PPP1R21: variants seen among roughly 807,000 people sequenced by gnomAD.
The protein encoded by PPP1R21 is KLRAQ motif containing 1.
Under a neutral mutation model 112.8 loss-of-function variants are expected in PPP1R21, and 85 were observed. The ratio of observed to expected loss-of-function variants is 0.75; its 90% CI spans 0.63 to 0.90. The LOEUF (loss-of-function observed/expected upper bound fraction) is 0.90, where lower values mean the gene tolerates loss of function less well. Among genes scored for constraint, PPP1R21 ranks in the 40% least tolerant of loss-of-function variants. The pLI, the probability that PPP1R21 is intolerant of heterozygous loss-of-function variation, is 0.00. For synonymous variants in PPP1R21, 381 were observed against 322.3 expected (o/e 1.18, Z -1.95); for missense variants, 1,199 against 901.5 (o/e 1.33, Z -4.23).
chr2:48,471,098 C>T lies in PPP1R21; in HGVS notation c.909C>T (p.Tyr303=). The T allele has an allele frequency of 6.2e-7, 1 of 1,608,066 alleles. No homozygotes were observed. The highest frequency in any genetic ancestry group is 2.2e-5 in the East Asian group (1 of 44,764). The part of the protein sequence containing the change: ...ISPLNQKFSQ[Y]LHENASYVRP... ...TCCCTCCTGTTTAGTTCTCACAATA[C>T]CTTCATGAAAATGCGTCCTATGTCC... The change falls in exon 10 of 22, where the codon TAC becomes TAT. Residue 303 remains tyrosine, a synonymous_variant. Coordinates refer to ENST00000294952, the MANE Select transcript of PPP1R21 (RefSeq NM_001135629.3).
At chr2:48,497,301 A>T (rs1162969787) in intron 16 of PPP1R21, among the ~76,000 whole-genome samples, 1 of 152,184 alleles carries the variant, frequency 6.6e-6, no homozygotes, top group African/African-American at 2.4e-5. Flanking sequence ...AGTCTTCTGT[A>T]TTGATTGTTA....
chr2:48,453,482 T>C (rs570964834), intron 2 of PPP1R21, among the ~76,000 whole-genome samples: 2 of 152,356 alleles, frequency 1.3e-5, no homozygotes, highest in South Asian at 2.1e-4. Context: ...CATGAGCCAC[T>C]GTGCCAGCCC....
chr2:48,507,382 C>A lies in PPP1R21; in HGVS notation c.2082C>A (p.Ala694=). ...ACAGTAAGTCAGTGCATTTTTATGC[C>A]GAGGTGAGTGTAGATTTAATTAGAT... The part of the protein sequence containing the change: ...LADSKSVHFY[A]ECRALSKRLA... Residue 694 remains alanine, a synonymous_variant, in exon 19 of 22, where the codon GCC becomes GCA. Coordinates refer to ENST00000294952, the MANE Select transcript of PPP1R21 (RefSeq NM_001135629.3). The A allele has an allele frequency of 6.3e-7, 1 of 1,599,718 alleles. No homozygotes were observed. The highest frequency in any genetic ancestry group is 1.1e-5 in the South Asian group (1 of 88,254).
intron 15 of PPP1R21, among the ~76,000 whole-genome samples, chr2:48,493,401 C>G (rs749373794): frequency 1.3e-5 from 2 of 152,076 alleles, no homozygotes; most frequent in African/African-American, 2.4e-5. Context: ...ATATTTTTCC[C>G]TAGTTTGCTG....
chr2:48,470,965 G>T, intron 9 of PPP1R21, 122 bp from the exon 10 acceptor site: 1 of 671,940 alleles, frequency 1.5e-6, no homozygotes, highest in South Asian at 2.1e-5. Flanking sequence ...GGAGTTTGAG[G>T]CTGCAGTGAG....
chr2:48,493,011 C>CTTTTT (rs746795481), intron 15 of PPP1R21, among the ~76,000 whole-genome samples: 41 of 96,654 alleles, frequency 4.2e-4, no homozygotes, highest in Non-Finnish European at 5.5e-4. Flanking sequence ...GGTCATTTAC[C>CTTTTT]TTTTTTTTTT....
At chr2:48,451,436 C>T (rs766613068) in intron 2 of PPP1R21, among the ~76,000 whole-genome samples, 15 of 152,192 alleles carry the variant, frequency 9.9e-5, no homozygotes, top group Non-Finnish European at 1.5e-4. Context: ...ATTTGAATCC[C>T]TCTCACTCAG....
intron 3 of PPP1R21, among the ~76,000 whole-genome samples, chr2:48,457,668 T>G (rs1667786557): frequency 6.6e-6 from 1 of 152,228 alleles, no homozygotes. Context: ...TATGAACTTT[T>G]GTATAAACTT....
chr2:48,453,188 G>T (rs552490585), intron 2 of PPP1R21, among the ~76,000 whole-genome samples: 2 of 152,048 alleles, frequency 1.3e-5, no homozygotes, highest in Non-Finnish European at 2.9e-5. Context: ...TCCTGACCTC[G>T]AGTGATCCGC....
At chr2:48,471,415 C>G in intron 11 of PPP1R21, 48 bp downstream of exon 11, 1 of 1,522,418 alleles carries the variant, frequency 6.6e-7, no homozygotes, top group Non-Finnish European at 8.9e-7. Context: ...TGGGTGTAAC[C>G]TGATCTGGCT....
Position 48,498,627 on chromosome 2 carries a change from T to G in PPP1R21, c.1827T>G (p.Ser609Arg). 2 of 1,614,242 alleles carry G rather than the reference T, an allele frequency of 1.2e-6. No individual in the cohort carries two copies. Among genetic ancestry groups the G allele is most frequent in the South Asian group, 2.2e-5 (2 of 91,086 alleles). ...RIADKLKNTG[S>R]AQLVGLAQEN... ...CAGATAAGCTGAAGAATACAGGTAG[T>G]GCCCAGCTGGTTGGGCTGGCCCAGG... The change falls in exon 17 of 22, where the codon AGT becomes AGG. Residue 609 changes from serine (S) to arginine (R), a missense_variant. Transcript: ENST00000294952.
chr2:48,479,912 T>C lies in PPP1R21; in HGVS notation c.1226-12T>C. On this transcript the variant is annotated splice_polypyrimidine_tract_variant and intron_variant, in intron 12 of 21. Transcript: ENST00000294952. The stretch of plus-strand genomic sequence containing the variant: ...CAGGAAAATGCTTAGATTTGTGATT[T>C]TGATTTCCTAGGTACAGAGCCAGAT... The C allele has an allele frequency of 6.4e-7, 1 of 1,561,082 alleles. No homozygotes were observed. Among genetic ancestry groups the C allele is most frequent in the Non-Finnish European group, 8.8e-7 (1 of 1,131,766 alleles).
intron 21 of PPP1R21, among the ~76,000 whole-genome samples, chr2:48,512,522 T>A (rs1255797443): frequency 1.4e-5 from 2 of 147,274 alleles, no homozygotes; most frequent in African/African-American, 2.7e-5. Context: ...TGGGGAGAAA[T>A]AGAGATGAAG....
intron 11 of PPP1R21, among the ~76,000 whole-genome samples, chr2:48,472,474 A>T (rs1668562314): frequency 1.3e-5 from 2 of 149,964 alleles, no homozygotes; most frequent in African/African-American, 4.9e-5. Flanking sequence ...AAAAATACAA[A>T]AATTAGCCGG....
At chr2:48,506,836 C>T (rs1170733198) in intron 18 of PPP1R21, among the ~76,000 whole-genome samples, 3 of 151,444 alleles carry the variant, frequency 2.0e-5, no homozygotes, top group African/African-American at 4.9e-5. Flanking sequence ...GTCCCAGCTA[C>T]GCAGGAGGCT....
At position 48,511,350 on chromosome 2, in the gene PPP1R21, C is replaced by T. The variant is rs1005547702; in HGVS notation, c.2195C>T (p.Thr732Ile). The T allele has an allele frequency of 1.2e-6, 2 of 1,612,936 alleles. No individual in the cohort carries two copies. Among genetic ancestry groups the T allele is most frequent in the East Asian group, 2.2e-5 (1 of 44,858 alleles). ...TTCTTTGCTATTTAGGATGAGCTGACAACTACCAAGAGGAGTTACGAGGAT... is the reference window on the plus strand; with the variant it reads ...TTCTTTGCTATTTAGGATGAGCTGATAACTACCAAGAGGAGTTACGAGGAT... ...QNISRLQDEL[T>I]TTKRSYEDQL... The change falls in exon 21 of 22, where the codon ACA becomes ATA. Residue 732 changes from threonine (T) to isoleucine (I), a missense_variant. Physicochemically the swap from Thr to Ile is moderately conservative, Grantham distance 89. Coordinates refer to ENST00000294952, the MANE Select transcript of PPP1R21 (RefSeq NM_001135629.3).
intron 9 of PPP1R21, among the ~76,000 whole-genome samples, chr2:48,470,519 C>G (rs972295586): frequency 5.0e-5 from 4 of 79,412 alleles, no homozygotes; most frequent in Non-Finnish European, 1.0e-4. Context: ...AACTCTGTCT[C>G]AAAAAAAAAA....
intron 14 of PPP1R21, among the ~76,000 whole-genome samples, chr2:48,490,571 A>G (rs1669518147): frequency 6.6e-6 from 1 of 152,226 alleles, no homozygotes; most frequent in Non-Finnish European, 1.5e-5. Flanking sequence ...GATTTATAGA[A>G]TTAAATTTAA....
At chr2:48,469,918 G>A (rs1286729925) in intron 9 of PPP1R21, among the ~76,000 whole-genome samples, 1 of 152,012 alleles carries the variant, frequency 6.6e-6, no homozygotes, top group Non-Finnish European at 1.5e-5. Context: ...AGCTTAGAGT[G>A]CATTATATTA....
Sources: gnomAD v4.1 joint callset for allele counts (sites outside exome capture counted in the v4.1 genomes callset) on GRCh38, gnomAD v4.1.1 for gene constraint, MANE v1.5 for transcripts, NCBI Gene and HGNC (gene_info 2026-07-23, HGNC 2026-07-21) for gene names.